PCDHGA1: variants seen among roughly 807,000 people sequenced by gnomAD.
PCDHGA1 encodes protocadherin gamma subfamily A, 1.
In PCDHGA1, 32 loss-of-function variants were observed where a neutral mutation model predicts 58.0. That is an observed-to-expected ratio of 0.55 (90% CI 0.42 to 0.74). PCDHGA1 has a LOEUF of 0.74. PCDHGA1 is among the 30% of genes least tolerant of loss of function. The pLI is 0.00. For synonymous variants in PCDHGA1, 498 were observed against 501.1 expected, an observed-to-expected ratio of 0.99 and a Z score of 0.08; for missense variants, 1,205 against 1,182.3, an observed-to-expected ratio of 1.02 and a Z score of -0.28.
intron 1 of PCDHGA1, chr5:141,415,215 C>A: frequency 6.2e-7 from 1 of 1,614,106 alleles, no homozygotes; most frequent in South Asian, 1.1e-5. Flanking sequence ...CGGACCTCGG[C>A]AGCTTCGAGT....
At chr5:141,420,692 A>G (rs2096518268) in intron 1 of PCDHGA1, among the ~76,000 whole-genome samples, 1 of 152,228 alleles carries the variant, frequency 6.6e-6, no homozygotes, top group Admixed American at 6.5e-5. Context: ...GGACCGTATT[A>G]TTTCCACTTC....
At chr5:141,352,374 T>C (rs1758993649) in intron 1 of PCDHGA1, 1 of 1,614,056 alleles carries the variant, frequency 6.2e-7, no homozygotes, top group African/African-American at 1.3e-5. Flanking sequence ...GCGGTGATTC[T>C]AGCGATCGCC....
At chr5:141,422,984 G>T in intron 1 of PCDHGA1, 2 of 1,614,230 alleles carry the variant, frequency 1.2e-6, no homozygotes, top group Non-Finnish European at 1.7e-6. Flanking sequence ...GCGGAACCTG[G>T]CTACCTGGTG....
At chr5:141,361,464 C>T (rs1214574906) in intron 1 of PCDHGA1, 9 of 1,613,932 alleles carry the variant, frequency 5.6e-6, no homozygotes, top group Middle Eastern at 3.3e-4. Flanking sequence ...TGCACATCTC[C>T]GACGTCAACG....
intron 1 of PCDHGA1, chr5:141,355,764 G>T: frequency 1.2e-6 from 2 of 1,613,968 alleles, no homozygotes; most frequent in Non-Finnish European, 8.5e-7. Flanking sequence ...GGGCCGATGG[G>T]ATTAAGTACC....
At chr5:141,508,151 C>T (rs1306467936) in intron 3 of PCDHGA1, 1 of 152,548 alleles carries the variant, frequency 6.6e-6, no homozygotes, top group Admixed American at 6.5e-5. Flanking sequence ...GGCTGAGTTT[C>T]CCTGAGTAGA....
intron 1 of PCDHGA1, chr5:141,341,780 T>C (rs1757087770): frequency 2.9e-6 from 1 of 341,170 alleles, no homozygotes; most frequent in Non-Finnish European, 5.3e-6. Flanking sequence ...AAGTCCTTTC[T>C]TCTTTTAAGT....
rs536614183 is a variant in PCDHGA1, at chr5:141,348,576, G to A, written c.2421+15471G>A. Among the ~76,000 whole-genome samples the A allele has an allele frequency of 1.7e-3, 253 of 152,272 alleles. 1 individual carries two copies. The highest frequency in any genetic ancestry group is 3.2e-3 in the African/African-American group (132 of 41,540). The stretch of plus-strand genomic sequence containing the variant: ...TATATGAAACATAGCCTACATATGT[G>A]TCATGAAAATACACTGAGAGTATGG... On this transcript the variant is annotated intron_variant, in intron 1 of 3. Transcript: ENST00000517417.
intron 1 of PCDHGA1, chr5:141,360,898 G>A (rs1252117170): frequency 6.2e-7 from 1 of 1,614,040 alleles, no homozygotes; most frequent in Non-Finnish European, 8.5e-7. Flanking sequence ...GAGGGAGGAC[G>A]TGCCGCCGGG....
rs200367564 is a variant in PCDHGA1, at chr5:141,346,015, C to T, written c.2421+12910C>T. 1.3e-3 allele frequency: 2,059 copies of T among 1,612,574 alleles called. 1 individual carries two copies. The highest frequency in any genetic ancestry group is 1.7e-3 in the Non-Finnish European group (1,972 of 1,179,782). On this transcript the variant is annotated intron_variant, in intron 1 of 3. Coordinates refer to ENST00000517417, the MANE Select transcript of PCDHGA1 (RefSeq NM_018912.3). ...CCTCTCTCCGCCACTGTCACGCTCACCGTGGCCGTGGCCGACAGGATCCCC... is the reference window on the plus strand; with the variant it reads ...CCTCTCTCCGCCACTGTCACGCTCATCGTGGCCGTGGCCGACAGGATCCCC...
chr5:141,355,645 G>A lies in PCDHGA1; in HGVS notation c.2421+22540G>A, dbSNP rs765146485. 21 of 1,613,868 alleles carry A rather than the reference G, an allele frequency of 1.3e-5. No individual in the cohort carries two copies. The Admixed American group carries it at 2.2e-4, about 17-fold the overall frequency. ...AAAAGTTGCTGAAAATGAAAATCCT[G>A]GGGCAAGATTTCCTCTTCCTGAAGC... is the stretch of plus-strand genomic sequence containing the variant. On this transcript the variant is annotated intron_variant, in intron 1 of 3. Coordinates refer to ENST00000517417, the MANE Select transcript of PCDHGA1 (RefSeq NM_018912.3).
In PCDHGA1 at chr5:141,355,590, AC is replaced by A. The variant is rs1262542114; in HGVS notation, c.2421+22488del. On this transcript the variant is annotated intron_variant, in intron 1 of 3. Coordinates refer to ENST00000517417, the MANE Select transcript of PCDHGA1 (RefSeq NM_018912.3). ...AAATAATCGATGTTAATGATAACCC[AC>A]CCAGTTTTGGGACAGAACAGAGGGA... 3 of 1,613,952 alleles carry A rather than the reference AC, an allele frequency of 1.9e-6. No homozygotes were observed. In the South Asian group the frequency reaches 3.3e-5, roughly 18 times the overall value.
Position 141,389,843 on chromosome 5 carries a change from G to C in PCDHGA1, c.2421+56738G>C, listed in dbSNP as rs372102656. On this transcript the variant is annotated intron_variant, in intron 1 of 3. Coordinates refer to ENST00000517417, the MANE Select transcript of PCDHGA1 (RefSeq NM_018912.3). The stretch of plus-strand genomic sequence containing the variant: ...GTGACGGTGGACAGCCACCACTCTC[G>C]GCCACTGCCACGTTGCACCTGGTCT... 2.4e-5 allele frequency: 39 copies of C among 1,614,016 alleles called. No homozygotes were observed. The African/African-American group carries it at 4.1e-4, about 17-fold the overall frequency.
At chr5:141,422,587 C>G in intron 1 of PCDHGA1, 2 of 1,614,032 alleles carry the variant, frequency 1.2e-6, no homozygotes, top group Non-Finnish European at 1.7e-6. Flanking sequence ...TCCCGTTTTT[C>G]CTCACTCCTC....
intron 1 of PCDHGA1, chr5:141,361,497 G>C: frequency 6.2e-7 from 1 of 1,614,042 alleles, no homozygotes; most frequent in Non-Finnish European, 8.5e-7. Flanking sequence ...TTTTCCAACA[G>C]ACTTCCTACA....
intron 1 of PCDHGA1, chr5:141,393,073 C>A: frequency 1.2e-6 from 2 of 1,613,658 alleles, no homozygotes; most frequent in Non-Finnish European, 8.5e-7. Flanking sequence ...TTGATCACCG[C>A]GGGCAGGATA....
intron 1 of PCDHGA1, chr5:141,478,588 T>G (rs2099465964): frequency 6.3e-7 from 1 of 1,575,000 alleles, no homozygotes; most frequent in African/African-American, 1.4e-5. Flanking sequence ...TAGTGCTTTT[T>G]TATTCCTACA....
chr5:141,351,350 C>G, intron 1 of PCDHGA1: 1 of 1,613,300 alleles, frequency 6.2e-7, no homozygotes, highest in Non-Finnish European at 8.5e-7. Context: ...TGTAATAGCC[C>G]TCATAAAAGT....
intron 1 of PCDHGA1, chr5:141,352,609 G>T: frequency 1.2e-6 from 2 of 1,613,458 alleles, no homozygotes; most frequent in Non-Finnish European, 1.7e-6. Context: ...ATCCTTCTAT[G>T]GTTGTATGTG....
Sources: allele counts gnomAD v4.1 joint callset (sites outside exome capture counted in the v4.1 genomes callset), GRCh38; gene constraint gnomAD v4.1.1; transcripts MANE v1.5; gene names NCBI Gene and HGNC (gene_info 2026-07-23, HGNC 2026-07-21).